The following DRC8 variants were observed in gnomAD, a reference collection of about 807,000 sequenced individuals.
DRC8 encodes dynein regulatory complex subunit 8, also known as dynein regulatory complex protein 8.
the DRC8 span, among the ~76,000 whole-genome samples, chr1:244,979,412 T>C: frequency 2.6e-5 from 4 of 151,138 alleles, no homozygotes; most frequent in South Asian, 8.4e-4. Context: ...TTCAAGCGAT[T>C]CTTATGTCTC....
At chr1:245,066,674 G>A in the DRC8 span, among the ~76,000 whole-genome samples, 5 of 152,260 alleles carry the variant, frequency 3.3e-5, no homozygotes, top group South Asian at 4.1e-4. Flanking sequence ...TTGGGAGGCC[G>A]AGGTGGGCGG....
At chr1:244,995,476 A>G in the DRC8 span, among the ~76,000 whole-genome samples, 1 of 151,958 alleles carries the variant, frequency 6.6e-6, no homozygotes, top group South Asian at 2.1e-4. Flanking sequence ...TTCCCACCTC[A>G]CCTTCCCGAG....
At chr1:245,079,386 C>CT in the DRC8 span, among the ~76,000 whole-genome samples, 17 of 152,304 alleles carry the variant, frequency 1.1e-4, no homozygotes, top group South Asian at 3.5e-3. Flanking sequence ...GCTGTTCTGA[C>CT]TAGTTGGCTG....
At chr1:245,112,258 G>C in the DRC8 span, among the ~76,000 whole-genome samples, 1 of 152,186 alleles carries the variant, frequency 6.6e-6, no homozygotes, top group Non-Finnish European at 1.5e-5. Flanking sequence ...ATTTTTACTA[G>C]AGATGGGGTT....
the DRC8 span, among the ~76,000 whole-genome samples, chr1:245,039,470 C>T: frequency 1.5e-5 from 2 of 133,632 alleles, no homozygotes; most frequent in Non-Finnish European, 3.2e-5. Flanking sequence ...GAGACGCTGC[C>T]TCTTAAAAAA....
the DRC8 span, among the ~76,000 whole-genome samples, chr1:244,979,107 C>T: frequency 6.6e-6 from 1 of 151,398 alleles, no homozygotes; most frequent in African/African-American, 2.4e-5. Flanking sequence ...TGTTTTTTTC[C>T]TCTTTCATAC....
chr1:245,051,039 A>T, the DRC8 span, among the ~76,000 whole-genome samples: 9 of 151,898 alleles, frequency 5.9e-5, no homozygotes, highest in South Asian at 2.1e-4. Flanking sequence ...AATAATTTTT[A>T]AAAAATTTTT....
At chr1:245,052,646 G>A in the DRC8 span, among the ~76,000 whole-genome samples, 3 of 152,350 alleles carry the variant, frequency 2.0e-5, no homozygotes, top group African/African-American at 4.8e-5. Context: ...GAGGTCAGTC[G>A]GCTGGAGAAG....
chr1:245,077,658 A>T, the DRC8 span, among the ~76,000 whole-genome samples: 1 of 152,222 alleles, frequency 6.6e-6, no homozygotes, highest in Non-Finnish European at 1.5e-5. Context: ...ATGATGGGAA[A>T]ACTGTTATTT....
chr1:244,993,593 G>A, the DRC8 span, among the ~76,000 whole-genome samples: 3 of 152,228 alleles, frequency 2.0e-5, no homozygotes, highest in Non-Finnish European at 2.9e-5. Flanking sequence ...GGATGTCTTC[G>A]TGTATTTGTG....
the DRC8 span, among the ~76,000 whole-genome samples, chr1:245,029,788 G>T: frequency 6.6e-6 from 1 of 151,538 alleles, no homozygotes; most frequent in South Asian, 2.1e-4. Context: ...TAGAGATGGG[G>T]TTTCACCATG....
the DRC8 span, among the ~76,000 whole-genome samples, chr1:245,102,629 C>T: frequency 1.3e-5 from 2 of 152,336 alleles, no homozygotes; most frequent in African/African-American, 4.8e-5. Flanking sequence ...GGATTACAGG[C>T]GTCAGCCACT....
the DRC8 span, among the ~76,000 whole-genome samples, chr1:244,972,815 C>CAA: frequency 1.4e-4 from 13 of 93,398 alleles, no homozygotes; most frequent in South Asian, 3.5e-4. Context: ...GACTCCGTCT[C>CAA]AAAAAAAAAA....
the DRC8 span, among the ~76,000 whole-genome samples, chr1:244,995,076 T>C: frequency 6.6e-6 from 1 of 152,038 alleles, no homozygotes; most frequent in Non-Finnish European, 1.5e-5. Context: ...AAGAGACAGG[T>C]TCTCGGCCGG....
At chr1:245,014,793 T>C in the DRC8 span, among the ~76,000 whole-genome samples, 1 of 152,140 alleles carries the variant, frequency 6.6e-6, no homozygotes, top group African/African-American at 2.4e-5. Flanking sequence ...TTTGGTTTCT[T>C]TTTTTCTCTA....
chr1:245,010,559 T>C, the DRC8 span, among the ~76,000 whole-genome samples: 2 of 152,136 alleles, frequency 1.3e-5, no homozygotes, highest in Non-Finnish European at 2.9e-5. Context: ...AGCTCTGGAA[T>C]AGACTGCTTT....
chr1:245,104,503 T>TAAAAAAA, the DRC8 span, among the ~76,000 whole-genome samples: 1 of 117,756 alleles, frequency 8.5e-6, no homozygotes, highest in East Asian at 2.3e-4. Flanking sequence ...GACTCTGTCA[T>TAAAAAAA]AAAAAAAAAA....
At chr1:245,094,439 A>G in the DRC8 span, among the ~76,000 whole-genome samples, 1 of 152,186 alleles carries the variant, frequency 6.6e-6, no homozygotes, top group African/African-American at 2.4e-5. Flanking sequence ...TAGTGATTGC[A>G]CGGAAATAAG....
At chr1:245,112,057 C>T in the DRC8 span, among the ~76,000 whole-genome samples, 3 of 151,508 alleles carry the variant, frequency 2.0e-5, no homozygotes, top group Non-Finnish European at 2.9e-5. Context: ...ATCTGGAAGA[C>T]GTTATTATTT....
Sources: gnomAD v4.1 joint callset for allele counts (sites outside exome capture counted in the v4.1 genomes callset) on GRCh38, gnomAD v4.1.1 for gene constraint, MANE v1.5 for transcripts, NCBI Gene and HGNC (gene_info 2026-07-23, HGNC 2026-07-21) for gene names.